Variants in NTM observed in about 807,000 individuals in gnomAD.
The protein encoded by NTM is neurotrimin.
NTM carries 13 observed loss-of-function variants against 42.1 expected under a neutral mutation model. The ratio of observed to expected loss-of-function variants is 0.31; its 90% CI spans 0.20 to 0.49. NTM has a LOEUF of 0.49. NTM is among the 20% of genes least tolerant of loss of function. NTM has a pLI of 0.99. For synonymous variants in NTM, 187 were observed against 179.2 expected (o/e 1.04, Z -0.35); for missense variants, 373 against 452.8 (o/e 0.82, Z 1.60).
In NTM at chr11:131,874,030, A is replaced by ATATATATATATATATATATAT. The variant is rs1555162935; in HGVS notation, c.83-37534_83-37533insTATATATATATATATATATAT. ...ATAATATATTTATATAATATAATATAATATATATATATATATATATATATA... is the reference window on the plus strand; with the variant it reads ...ATAATATATTTATATAATATAATATATATATATATATATATATATATATATATATATATATATATATATATA... On this transcript the variant is annotated intron_variant, in intron 1 of 8. Transcript: ENST00000683400. Among the ~76,000 whole-genome samples the ATATATATATATATATATATAT allele has an allele frequency of 5.5e-4, 42 of 76,628 alleles. 3 individuals carry two copies. The highest frequency in any genetic ancestry group is 9.4e-4 in the Non-Finnish European group (32 of 34,156). The allele number at this position is 76,628 out of a possible 152,430, so 50.3% of individuals were successfully genotyped here.
chr11:132,310,922 G>A (rs1162382634), intron 6 of NTM, among the ~76,000 whole-genome samples: 3 of 152,138 alleles, frequency 2.0e-5, no homozygotes, highest in Non-Finnish European at 2.9e-5. Context: ...TGTTATCAAA[G>A]AGCCATTTTT....
intron 2 of NTM, among the ~76,000 whole-genome samples, chr11:132,140,546 C>T (rs1266036256): frequency 2.0e-5 from 3 of 152,156 alleles, no homozygotes; most frequent in Admixed American, 6.5e-5. Flanking sequence ...ATTTTGTAAA[C>T]TTCCACACAA....
intron 1 of NTM, among the ~76,000 whole-genome samples, chr11:131,570,919 C>CA (rs1223816789): frequency 1.3e-5 from 2 of 152,232 alleles, no homozygotes; most frequent in African/African-American, 4.8e-5. Context: ...GAACAAGAAT[C>CA]ATACACCCCT....
chr11:131,887,418 C>T (rs2137414040), intron 1 of NTM, among the ~76,000 whole-genome samples: 1 of 152,316 alleles, frequency 6.6e-6, no homozygotes, highest in Admixed American at 6.5e-5. Flanking sequence ...TTGTGGGCTT[C>T]TTTCTGGCTT....
chr11:132,312,621 G>A (rs2095312691), intron 6 of NTM: 1 of 154,826 alleles, frequency 6.5e-6, no homozygotes, highest in Admixed American at 6.5e-5. Flanking sequence ...TTTCAGAGCT[G>A]TCAAGCAGGA....
At chr11:131,828,086 A>G (rs1392290789) in intron 1 of NTM, among the ~76,000 whole-genome samples, 2 of 152,028 alleles carry the variant, frequency 1.3e-5, no homozygotes, top group Admixed American at 6.5e-5. Context: ...TTGAAAAGCT[A>G]TTAAATTCTA....
intron 1 of NTM, among the ~76,000 whole-genome samples, chr11:131,395,980 G>C (rs764802576): frequency 6.6e-6 from 1 of 152,210 alleles, no homozygotes; most frequent in Admixed American, 6.5e-5. Flanking sequence ...TACCCACTAA[G>C]ACCCAGGGTC....
intron 2 of NTM, among the ~76,000 whole-genome samples, chr11:132,058,991 G>A (rs767136593): frequency 3.9e-5 from 6 of 152,234 alleles, no homozygotes; most frequent in Non-Finnish European, 8.8e-5. Context: ...GGTATCAAGC[G>A]TGCAAACTCT....
chr11:131,862,376 A>G (rs567435099), intron 1 of NTM, among the ~76,000 whole-genome samples: 6 of 152,026 alleles, frequency 3.9e-5, no homozygotes, highest in Non-Finnish European at 8.8e-5. Context: ...GTCCCTGAGG[A>G]AGGCTTCAAC....
At chr11:131,862,507 T>A (rs1256296529) in intron 1 of NTM, among the ~76,000 whole-genome samples, 1 of 152,230 alleles carries the variant, frequency 6.6e-6, no homozygotes, top group African/African-American at 2.4e-5. Flanking sequence ...ATCTTGAGAA[T>A]GAACACAATT....
chr11:131,997,608 A>G (rs771918605), intron 2 of NTM, among the ~76,000 whole-genome samples: 2 of 152,174 alleles, frequency 1.3e-5, no homozygotes, highest in Non-Finnish European at 2.9e-5. Flanking sequence ...AACCATGTGG[A>G]ACACTTGTAA....
At position 131,651,557 on chromosome 11, in the gene NTM, A is replaced by G. The variant is rs141332694; in HGVS notation, c.83-260007A>G. On this transcript the variant is annotated intron_variant, in intron 1 of 8. Transcript: ENST00000683400. Reference sequence around the variant, plus strand: ...CCTAGGCTGGGGATAAAAAGATCATAAAGGCCGGGCACAGTGTCTCACGCC... The same window carrying G: ...CCTAGGCTGGGGATAAAAAGATCATGAAGGCCGGGCACAGTGTCTCACGCC... 3.9e-4 allele frequency among the ~76,000 whole-genome samples: 60 copies of G among 152,270 alleles called. No individual in the cohort carries two copies. The East Asian group carries it at 0.011, about 27-fold the overall frequency.
chr11:131,516,557 A>G (rs1168199783), intron 1 of NTM, among the ~76,000 whole-genome samples: 1 of 152,100 alleles, frequency 6.6e-6, no homozygotes, highest in Non-Finnish European at 1.5e-5. Flanking sequence ...TATCTAGCAG[A>G]GACGGGGTTT....
At chr11:131,945,899 C>T (rs1262434201) in intron 2 of NTM, among the ~76,000 whole-genome samples, 1 of 152,200 alleles carries the variant, frequency 6.6e-6, no homozygotes, top group African/African-American at 2.4e-5. Context: ...GATAAGCAAT[C>T]TTGTCTATTA....
At chr11:131,965,276 C>T (rs753669384) in intron 2 of NTM, among the ~76,000 whole-genome samples, 4 of 152,124 alleles carry the variant, frequency 2.6e-5, no homozygotes, top group Non-Finnish European at 5.9e-5. Context: ...AACCCTCCTC[C>T]AGTCTGTGGT....
chr11:131,942,217 G>T (rs981982070), intron 2 of NTM, among the ~76,000 whole-genome samples: 1 of 152,196 alleles, frequency 6.6e-6, no homozygotes, highest in African/African-American at 2.4e-5. Context: ...AGGGCCAGCT[G>T]CTGTAATAAC....
intron 1 of NTM, among the ~76,000 whole-genome samples, chr11:131,411,705 G>A (rs527687482): frequency 7.9e-5 from 12 of 151,904 alleles, no homozygotes; most frequent in Non-Finnish European, 1.6e-4. Context: ...GGAAACCCCC[G>A]GTGTCCCCAC....
chr11:132,209,218 G>A (rs6590629), intron 3 of NTM, among the ~76,000 whole-genome samples: 72,938 of 152,158 alleles, frequency 0.48, 18,046 homozygotes, highest in Middle Eastern at 0.57. Flanking sequence ...TAACTCATCA[G>A]TTACCTTTCT....
At chr11:131,624,635 T>C (rs1462543587) in intron 1 of NTM, among the ~76,000 whole-genome samples, 1 of 152,224 alleles carries the variant, frequency 6.6e-6, no homozygotes, top group Non-Finnish European at 1.5e-5. Flanking sequence ...GTATTACTCA[T>C]AGCACTTAAC....
Sources: gnomAD v4.1 joint callset for allele counts (sites outside exome capture counted in the v4.1 genomes callset) on GRCh38, gnomAD v4.1.1 for gene constraint, MANE v1.5 for transcripts, NCBI Gene and HGNC (gene_info 2026-07-23, HGNC 2026-07-21) for gene names.